GPR19: variants seen among roughly 807,000 people sequenced by gnomAD.
GPR19 encodes G protein-coupled receptor 19.
In GPR19, 14 loss-of-function variants were observed where a neutral mutation model predicts 28.5. The ratio of observed to expected loss-of-function variants is 0.49; its 90% CI spans 0.32 to 0.77. The LOEUF is 0.77. Among genes scored for constraint, GPR19 ranks in the 30% least tolerant of loss-of-function variants. The probability of loss-of-function intolerance (pLI) is 0.03; values close to 1 mark genes in which losing one functional copy is unlikely to be tolerated. For missense variants in GPR19, 409 were observed against 504.1 expected (o/e 0.81, Z 1.81); for synonymous variants, 173 against 184.1 (o/e 0.94, Z 0.49).
At chr12:12,710,308 G>A in the GPR19 span, among the ~76,000 whole-genome samples, 5 of 145,592 alleles carry the variant, frequency 3.4e-5, no homozygotes, top group East Asian at 2.0e-4. Context: ...AGCCAAGATC[G>A]TGCCATTACA....
At chr12:12,684,174 G>C (rs1392387837) in intron 3 of GPR19, 177 bp downstream of exon 3, 1 of 152,108 alleles carries the variant, frequency 6.6e-6, no homozygotes, top group Non-Finnish European at 1.5e-5. Flanking sequence ...CACATACTCT[G>C]ATGAATTTTC....
chr12:12,695,120 A>T (rs564974482), intron 2 of GPR19, among the ~76,000 whole-genome samples: 1 of 152,308 alleles, frequency 6.6e-6, no homozygotes, highest in South Asian at 2.1e-4. Context: ...CCTATCAGCC[A>T]TTCCTTTGTT....
the GPR19 span, among the ~76,000 whole-genome samples, chr12:12,714,844 C>A: frequency 6.6e-6 from 1 of 152,162 alleles, no homozygotes; most frequent in Non-Finnish European, 1.5e-5. Context: ...CTGTACAGAT[C>A]TCCGGTGCCT....
At chr12:12,702,605 C>T in the GPR19 span, among the ~76,000 whole-genome samples, 1 of 152,120 alleles carries the variant, frequency 6.6e-6, no homozygotes, top group South Asian at 2.1e-4. Context: ...TACTCAGTGC[C>T]TTCTCGTTTT....
At chr12:12,707,582 A>G in the GPR19 span, among the ~76,000 whole-genome samples, 1 of 152,238 alleles carries the variant, frequency 6.6e-6, no homozygotes, top group Non-Finnish European at 1.5e-5. Context: ...TTTTACATGG[A>G]AGTTTGTATA....
intron 3 of GPR19, among the ~76,000 whole-genome samples, chr12:12,670,552 T>C (rs559897410): frequency 1.3e-5 from 2 of 152,308 alleles, no homozygotes; most frequent in African/African-American, 4.8e-5. Context: ...TGAGAGAATA[T>C]ACACAGGACT....
the GPR19 span, chr12:12,703,320 A>T: frequency 1.1e-6 from 1 of 929,090 alleles, no homozygotes; most frequent in Non-Finnish European, 1.3e-6. Flanking sequence ...AGGTCTATTG[A>T]TTGTGAGACA....
intron 3 of GPR19, among the ~76,000 whole-genome samples, chr12:12,672,640 G>A (rs1945870421): frequency 1.3e-5 from 2 of 152,050 alleles, no homozygotes; most frequent in African/African-American, 4.8e-5. Context: ...CCAGTTATTT[G>A]GGAGGCTGAG....
intron 3 of GPR19, among the ~76,000 whole-genome samples, chr12:12,671,356 C>T (rs1221949899): frequency 6.6e-6 from 1 of 151,738 alleles, no homozygotes; most frequent in Non-Finnish European, 1.5e-5. Context: ...TGCAAAAGAA[C>T]CTCACACCAA....
At chr12:12,709,220 G>A in the GPR19 span, among the ~76,000 whole-genome samples, 4 of 151,468 alleles carry the variant, frequency 2.6e-5, no homozygotes, top group Admixed American at 1.3e-4. Context: ...GAACGTAAAT[G>A]TAGGGAGTAG....
the GPR19 span, among the ~76,000 whole-genome samples, chr12:12,704,227 C>T: frequency 2.6e-4 from 39 of 152,316 alleles, no homozygotes; most frequent in Admixed American, 4.6e-4. Context: ...TAAGGCCAGG[C>T]GCTGTGGCTC....
At position 12,663,923 on chromosome 12, in the gene GPR19, C is replaced by A. The variant is rs140374659; in HGVS notation, c.-22-1453G>T. 2.1e-3 allele frequency among the ~76,000 whole-genome samples: 320 copies of A among 152,218 alleles called. 6 individuals are homozygous for A. The highest frequency in any genetic ancestry group is 6.9e-4 in the Non-Finnish European group (47 of 68,012). On this transcript the variant is annotated intron_variant, in intron 3 of 3. Transcript: ENST00000651487. ...GGTGGGCTCCTGTGTCTGCACCTCA[C>A]AAAGAAACATTTCTCAAGTGACAGT...
At chr12:12,714,856 G>A in the GPR19 span, among the ~76,000 whole-genome samples, 1 of 152,102 alleles carries the variant, frequency 6.6e-6, no homozygotes, top group African/African-American at 2.4e-5. Context: ...CCGGTGCCTT[G>A]ACTGTAAACA....
intron 3 of GPR19, among the ~76,000 whole-genome samples, chr12:12,672,261 T>C (rs1945863495): frequency 6.6e-6 from 1 of 152,202 alleles, no homozygotes; most frequent in Non-Finnish European, 1.5e-5. Context: ...GGCATCTCTT[T>C]GGGGGTGACC....
chr12:12,707,144 T>C, the GPR19 span, among the ~76,000 whole-genome samples: 9 of 152,342 alleles, frequency 5.9e-5, no homozygotes, highest in East Asian at 1.7e-3. Context: ...GACACATTCC[T>C]ACCTCAGAGC....
intron 2 of GPR19, among the ~76,000 whole-genome samples, chr12:12,694,254 A>G (rs1031362596): frequency 8.5e-5 from 10 of 118,148 alleles, no homozygotes; most frequent in African/African-American, 3.3e-4. Context: ...GCTGGAGTGC[A>G]GTGGCGTGAT....
At chr12:12,692,579 A>T (rs985996445) in intron 2 of GPR19, among the ~76,000 whole-genome samples, 8 of 152,192 alleles carry the variant, frequency 5.3e-5, no homozygotes, top group Admixed American at 2.6e-4. Flanking sequence ...AGAAAGACGG[A>T]CTGGATACCC....
At chr12:12,664,411 T>C (rs780002687) in intron 3 of GPR19, among the ~76,000 whole-genome samples, 5 of 152,282 alleles carry the variant, frequency 3.3e-5, no homozygotes, top group East Asian at 1.9e-4. Context: ...ATATACTCAA[T>C]GCCTGTTCTA....
the GPR19 span, among the ~76,000 whole-genome samples, chr12:12,708,830 C>T: frequency 7.9e-5 from 12 of 152,088 alleles, no homozygotes; most frequent in Admixed American, 5.2e-4. Flanking sequence ...TGGTGGATCA[C>T]GAGGTTAGGA....
Sources: allele counts gnomAD v4.1 joint callset (sites outside exome capture counted in the v4.1 genomes callset), GRCh38; gene constraint gnomAD v4.1.1; transcripts MANE v1.5; gene names NCBI Gene and HGNC (gene_info 2026-07-23, HGNC 2026-07-21).